DDX4: variants seen among roughly 807,000 people sequenced by gnomAD.
DDX4 encodes probable ATP-dependent RNA helicase DDX4.
Under a neutral mutation model 100.0 loss-of-function variants are expected in DDX4, and 25 were observed. The observed-to-expected ratio is 0.25, with a 90% CI of 0.18 to 0.35. The LOEUF (loss-of-function observed/expected upper bound fraction) is 0.35. Among genes scored for constraint, DDX4 ranks in the 10% least tolerant of loss-of-function variants. The pLI, the probability that DDX4 is intolerant of heterozygous loss-of-function variation, is 1.00. For synonymous variants in DDX4, 259 were observed against 275.7 expected, an observed-to-expected ratio of 0.94 and a Z score of 0.60; for missense variants, 635 against 882.4, an observed-to-expected ratio of 0.72 and a Z score of 3.55.
At chr5:55,803,533 T>A (rs529694235) in intron 18 of DDX4, among the ~76,000 whole-genome samples, 2 of 134,374 alleles carry the variant, frequency 1.5e-5, no homozygotes, top group Admixed American at 1.7e-4. Flanking sequence ...TGTCCATGTG[T>A]TCTCATTGTT....
intron 10 of DDX4, 75 bp from the exon 11 acceptor site, chr5:55,785,222 A>G: frequency 1.0e-6 from 1 of 995,666 alleles, no homozygotes; most frequent in South Asian, 1.4e-5. Flanking sequence ...GTTCTCTTTG[A>G]AGACAAGCAA....
At chr5:55,785,080 A>G (rs1742161186) in intron 10 of DDX4, among the ~76,000 whole-genome samples, 1 of 152,230 alleles carries the variant, frequency 6.6e-6, no homozygotes, top group Non-Finnish European at 1.5e-5. Context: ...CAGTTTAAAC[A>G]AAGTGTAGTA....
At chr5:55,795,118 A>G (rs1742848350) in intron 17 of DDX4, among the ~76,000 whole-genome samples, 1 of 151,976 alleles carries the variant, frequency 6.6e-6, no homozygotes, top group Non-Finnish European at 1.5e-5. Flanking sequence ...GGCATGTACC[A>G]CCACGTCCGG....
chr5:55,754,870 A>C (rs931549348), intron 3 of DDX4, among the ~76,000 whole-genome samples: 3 of 152,190 alleles, frequency 2.0e-5, no homozygotes, highest in African/African-American at 7.2e-5. Flanking sequence ...TGGTCTATTC[A>C]GAGATTCAAC....
At chr5:55,773,732 C>T (rs930532786) in intron 7 of DDX4, among the ~76,000 whole-genome samples, 2 of 152,088 alleles carry the variant, frequency 1.3e-5, no homozygotes, top group African/African-American at 4.8e-5. Flanking sequence ...TCAAATAATC[C>T]TTCCACCTCA....
intron 3 of DDX4, among the ~76,000 whole-genome samples, chr5:55,753,201 T>C (rs1199698503): frequency 6.6e-6 from 1 of 152,236 alleles, no homozygotes; most frequent in African/African-American, 2.4e-5. Flanking sequence ...AGATCCCATT[T>C]GTCAATTTTG....
chr5:55,786,462 A>C, intron 13 of DDX4, 56 bp from the exon 14 acceptor site: 1 of 1,366,524 alleles, frequency 7.3e-7, no homozygotes, highest in Non-Finnish European at 1.0e-6. Context: ...ATATGCTTAT[A>C]AATGATCTGC....
intron 10 of DDX4, among the ~76,000 whole-genome samples, chr5:55,784,201 T>C (rs1027449028): frequency 6.6e-6 from 1 of 151,630 alleles, no homozygotes; most frequent in Non-Finnish European, 1.5e-5. Context: ...TGGGGCGGAG[T>C]CAGGGGGCGG....
chr5:55,758,868 T>TAAAAA (rs35392036), intron 3 of DDX4, among the ~76,000 whole-genome samples: 1 of 70,304 alleles, frequency 1.4e-5, no homozygotes, highest in Non-Finnish European at 2.8e-5. Context: ...TTTGTTTCCT[T>TAAAAA]AAAAAAAAAA....
At chr5:55,765,227 C>T (rs933408771) in intron 6 of DDX4, among the ~76,000 whole-genome samples, 1 of 151,576 alleles carries the variant, frequency 6.6e-6, no homozygotes, top group Non-Finnish European at 1.5e-5. Flanking sequence ...ATCATTTCTA[C>T]TTATACACAG....
rs750133318 is a variant in DDX4 at position 55,816,470 on chromosome 5, G to A, written c.2105G>A (p.Ser702Asn). The change falls in exon 22 of 22, where the codon AGC (serine) becomes AAC (asparagine). Residue 702 changes from serine to asparagine, a missense_variant. Transcript: ENST00000505374. ...TTTTTAAATAATTACCAGGGCAAGA[G>A]CACTTTGAACACAGCTGGGTTTTCT... ...FASVDTRKGK[S>N]TLNTAGFSSS... 5 of 1,607,934 alleles carry A rather than the reference G, an allele frequency of 3.1e-6. No individual in the cohort carries two copies. The South Asian group carries it at 4.4e-5, about 14-fold the overall frequency.
chr5:55,807,362 A>AT, intron 18 of DDX4, among the ~76,000 whole-genome samples: 1 of 152,276 alleles, frequency 6.6e-6, no homozygotes, highest in Non-Finnish European at 1.5e-5. Flanking sequence ...TGATCCTGTC[A>AT]TTATGATGTT....
In DDX4 at chr5:55,763,259, A is replaced by G; in HGVS notation, c.283+7A>G. ...AAGAGTTTTGGAAACAGAGGTAATTACTTGGTTATGATATCTTACAATCAA... is the reference window on the plus strand; with the variant it reads ...AAGAGTTTTGGAAACAGAGGTAATTGCTTGGTTATGATATCTTACAATCAA... On this transcript the variant is annotated splice_region_variant and intron_variant, in intron 5 of 21. Coordinates refer to ENST00000505374, the MANE Select transcript of DDX4 (RefSeq NM_024415.3). The G allele has an allele frequency of 6.4e-7, 1 of 1,573,110 alleles. No homozygotes were observed. The highest frequency in any genetic ancestry group is 8.7e-7 in the Non-Finnish European group (1 of 1,143,148).
At position 55,790,370 on chromosome 5, in the gene DDX4, T is replaced by A. The variant is rs563331884; in HGVS notation, c.1173-206T>A. ...CATGTTGGCCAGGCTGGTCTCAAACTCCTGACCTCAGGTGATTTGCCCGCC... is the reference window on the plus strand; with the variant it reads ...CATGTTGGCCAGGCTGGTCTCAAACACCTGACCTCAGGTGATTTGCCCGCC... On this transcript the variant is annotated intron_variant, in intron 15 of 21. Transcript: ENST00000505374. Among the ~76,000 whole-genome samples the A allele has an allele frequency of 1.2e-4, 18 of 152,290 alleles. No homozygotes were observed. The East Asian group carries it at 3.3e-3, about 28-fold the overall frequency.
intron 21 of DDX4, among the ~76,000 whole-genome samples, chr5:55,816,022 G>A (rs1490374719): frequency 6.9e-6 from 1 of 145,370 alleles, no homozygotes; most frequent in Non-Finnish European, 1.5e-5. Context: ...CTGGCCTCAA[G>A]TGATCCACCT....
intron 3 of DDX4, among the ~76,000 whole-genome samples, chr5:55,751,021 T>C (rs562769427): frequency 1.3e-5 from 2 of 152,274 alleles, no homozygotes; most frequent in Admixed American, 6.5e-5. Context: ...CTTTGGATAG[T>C]GGACTCGAGT....
At chr5:55,769,794 C>T (rs892122392) in intron 7 of DDX4, among the ~76,000 whole-genome samples, 13 of 152,104 alleles carry the variant, frequency 8.5e-5, no homozygotes, top group African/African-American at 2.4e-4. Context: ...ACCAAAACAG[C>T]GTGGTACTGG....
intron 3 of DDX4, among the ~76,000 whole-genome samples, chr5:55,749,825 T>TC (rs1267125111): frequency 6.9e-6 from 1 of 144,544 alleles, no homozygotes; most frequent in African/African-American, 2.6e-5. Context: ...TTTTTTTTTT[T>TC]CCCAGAAAAC....
chr5:55,786,215 T>C (rs991175072), intron 13 of DDX4, among the ~76,000 whole-genome samples: 23 of 152,198 alleles, frequency 1.5e-4, no homozygotes, highest in Admixed American at 1.4e-3. Context: ...TGTCTCCTAT[T>C]GATAATTATA....
Sources: allele counts gnomAD v4.1 joint callset (sites outside exome capture counted in the v4.1 genomes callset), GRCh38; gene constraint gnomAD v4.1.1; transcripts MANE v1.5; gene names NCBI Gene and HGNC (gene_info 2026-07-23, HGNC 2026-07-21).